THSD7B: variants seen among roughly 807,000 people sequenced by gnomAD.
The protein encoded by THSD7B is thrombospondin type 1 domain containing 7B.
In THSD7B, 138 loss-of-function variants were observed where a neutral mutation model predicts 213.6. The observed-to-expected ratio is 0.65, with a 90% confidence interval of 0.56 to 0.74. The LOEUF (loss-of-function observed/expected upper bound fraction) is 0.74. Among genes scored for constraint, THSD7B ranks in the 30% least tolerant of loss-of-function variants. The pLI, the probability that THSD7B is intolerant of heterozygous loss-of-function variation, is 0.00. For synonymous variants in THSD7B, 742 were observed against 687.0 expected, an observed-to-expected ratio of 1.08 and a Z score of -1.25; for missense variants, 1,931 against 1,991.5, an observed-to-expected ratio of 0.97 and a Z score of 0.58.
intron 12 of THSD7B, among the ~76,000 whole-genome samples, chr2:137,332,159 C>T (rs1016469167): frequency 2.0e-5 from 3 of 152,048 alleles, no homozygotes; most frequent in South Asian, 2.1e-4. Context: ...TGCCAGCACC[C>T]TGTCACCTCT....
intron 2 of THSD7B, among the ~76,000 whole-genome samples, chr2:137,055,076 C>T (rs1424068367): frequency 6.6e-6 from 1 of 152,176 alleles, no homozygotes; most frequent in East Asian, 1.9e-4. Flanking sequence ...ATGATGGTTT[C>T]CAGCTTCATC....
intron 2 of THSD7B, among the ~76,000 whole-genome samples, chr2:136,921,805 G>A (rs544500661): frequency 2.5e-4 from 38 of 152,170 alleles, no homozygotes; most frequent in African/African-American, 9.2e-4. Context: ...GAACAATCAG[G>A]CCAAATTCAC....
intron 2 of THSD7B, among the ~76,000 whole-genome samples, chr2:136,932,382 A>C (rs1684645736): frequency 6.6e-6 from 1 of 152,210 alleles, no homozygotes; most frequent in Admixed American, 6.5e-5. Context: ...GAAACAGTGA[A>C]AATACAGTTC....
At chr2:137,472,233 A>G (rs942324564) in intron 15 of THSD7B, among the ~76,000 whole-genome samples, 4 of 152,198 alleles carry the variant, frequency 2.6e-5, no homozygotes, top group African/African-American at 9.6e-5. Flanking sequence ...TAGAAAAGAA[A>G]TTAGGAAAGT....
rs558888174 is a variant in THSD7B, at chr2:137,143,329, C to T, written c.1370-16884C>T. ...CAGTCAAATGATAAGCCCATCAAAA[C>T]GTGGAATCACGCATTCTCTTCTCTG... On this transcript the variant is annotated intron_variant, in intron 5 of 27. Coordinates refer to ENST00000409968, the MANE Select transcript of THSD7B (RefSeq NM_001316349.2). 9.2e-5 allele frequency among the ~76,000 whole-genome samples: 14 copies of T among 152,198 alleles called. 1 individual carries two copies. Among genetic ancestry groups the T allele is most frequent in the African/African-American group, 1.4e-4 (6 of 41,544 alleles).
intron 12 of THSD7B, among the ~76,000 whole-genome samples, chr2:137,309,431 C>T (rs1365060335): frequency 2.6e-5 from 4 of 151,436 alleles, no homozygotes; most frequent in African/African-American, 9.7e-5. Flanking sequence ...TATTTTTAAA[C>T]TTCCTTATGA....
At chr2:137,002,536 T>C (rs2104826231) in intron 2 of THSD7B, among the ~76,000 whole-genome samples, 2 of 152,264 alleles carry the variant, frequency 1.3e-5, no homozygotes, top group East Asian at 3.9e-4. Context: ...GAGGCTCTTT[T>C]CCCCCTCAGT....
Position 137,526,085 on chromosome 2 carries a change from T to C in THSD7B, c.3139-37136T>C, listed in dbSNP as rs568239067. On this transcript the variant is annotated intron_variant, in intron 15 of 27. Transcript: ENST00000409968. ...TTGTTATCTCTGCTGCTCTTCTCCC[T>C]CCTTCCCCTGGTTTTACTACTCTTA... 3.6e-4 allele frequency among the ~76,000 whole-genome samples: 54 copies of C among 152,106 alleles called. 1 individual carries two copies. Among genetic ancestry groups the C allele is most frequent in the African/African-American group, 1.2e-3 (50 of 41,500 alleles).
chr2:137,196,313 A>T (rs964492625), intron 7 of THSD7B, among the ~76,000 whole-genome samples: 7 of 151,786 alleles, frequency 4.6e-5, no homozygotes, highest in Admixed American at 6.6e-5. Flanking sequence ...AAGCTCAAAA[A>T]TAAGATACAC....
chr2:136,799,202 C>T (rs1573643126), intron 1 of THSD7B, among the ~76,000 whole-genome samples: 2 of 152,000 alleles, frequency 1.3e-5, no homozygotes, highest in East Asian at 1.9e-4. Context: ...TGTTGGCTGG[C>T]CATGGGATTT....
At chr2:136,801,726 A>T (rs146730378) in intron 1 of THSD7B, among the ~76,000 whole-genome samples, 21 of 152,162 alleles carry the variant, frequency 1.4e-4, no homozygotes, top group Non-Finnish European at 2.5e-4. Flanking sequence ...TAGTATTGTA[A>T]TGCAATTGGC....
At position 136,934,318 on chromosome 2, in the gene THSD7B, C is replaced by A. The variant is rs528308710; in HGVS notation, c.139+52001C>A. Among the ~76,000 whole-genome samples the A allele has an allele frequency of 2.0e-5, 3 of 152,192 alleles. 1 individual carries two copies. In the South Asian group the frequency reaches 6.2e-4, roughly 32 times the overall value. On this transcript the variant is annotated intron_variant, in intron 2 of 27. Transcript: ENST00000409968. ...TTTTTATTGAACTCTTTTCTAATCA[C>A]ATTATTTTTGGCTGAAAACATGTTA...
intron 3 of THSD7B, among the ~76,000 whole-genome samples, chr2:137,084,838 G>C (rs1558914635): frequency 6.6e-6 from 1 of 152,156 alleles, no homozygotes; most frequent in African/African-American, 2.4e-5. Flanking sequence ...AGGTTTATTT[G>C]TTACCACAGT....
chr2:137,261,182 A>C (rs939960187), intron 10 of THSD7B, among the ~76,000 whole-genome samples: 1 of 152,132 alleles, frequency 6.6e-6, no homozygotes, highest in African/African-American at 2.4e-5. Flanking sequence ...AGTCAAAAAG[A>C]CAACAGGATG....
At chr2:137,152,782 A>G (rs1438698198) in intron 5 of THSD7B, among the ~76,000 whole-genome samples, 2 of 152,160 alleles carry the variant, frequency 1.3e-5, no homozygotes, top group Non-Finnish European at 2.9e-5. Flanking sequence ...GGACTCTTGG[A>G]CCTTTTGAAA....
chr2:136,903,925 G>GGTGTGTGTGT (rs775988420), intron 2 of THSD7B, among the ~76,000 whole-genome samples: 27 of 108,724 alleles, frequency 2.5e-4, no homozygotes, highest in African/African-American at 9.2e-4. Flanking sequence ...CTTCCTGTGA[G>GGTGTGTGTGT]GTGTGTGTGT....
chr2:137,626,557 T>C (rs1682636359), intron 20 of THSD7B, among the ~76,000 whole-genome samples: 1 of 152,178 alleles, frequency 6.6e-6, no homozygotes, highest in Admixed American at 6.5e-5. Context: ...CTTTTAGCCA[T>C]GCTACTCTTT....
chr2:137,662,229 A>AT (rs36040861), intron 25 of THSD7B, among the ~76,000 whole-genome samples: 11,175 of 100,836 alleles, frequency 0.11, 980 homozygotes, highest in East Asian at 0.18. Context: ...CGCCCGGCTA[A>AT]TTTTTTTTTT....
chr2:137,549,283 G>C (rs1680796782), intron 15 of THSD7B, among the ~76,000 whole-genome samples: 1 of 146,516 alleles, frequency 6.8e-6, no homozygotes, highest in Admixed American at 6.8e-5. Context: ...CTGCCAGAAG[G>C]CAGACATGTC....
Sources: gnomAD v4.1 joint callset for allele counts (sites outside exome capture counted in the v4.1 genomes callset) on GRCh38, gnomAD v4.1.1 for gene constraint, MANE v1.5 for transcripts, NCBI Gene and HGNC (gene_info 2026-07-23, HGNC 2026-07-21) for gene names.